The following ARHGAP29 variants were observed in gnomAD, a reference collection of about 807,000 sequenced individuals.
ARHGAP29 encodes the protein rho GTPase-activating protein 29.
In ARHGAP29, 43 loss-of-function variants were observed where a neutral mutation model predicts 122.6. That is an observed-to-expected ratio of 0.35 (90% CI 0.27 to 0.45). The LOEUF (loss-of-function observed/expected upper bound fraction) is 0.45. Ranked by LOEUF, ARHGAP29 falls within the 20% of genes least tolerant of loss-of-function variation. The pLI, the probability that ARHGAP29 is intolerant of heterozygous loss-of-function variation, is 1.00. For synonymous variants in ARHGAP29, 506 were observed against 497.1 expected (o/e 1.02, Z -0.24); for missense variants, 1,303 against 1,477.2 (o/e 0.88, Z 1.93).
the ARHGAP29 span, among the ~76,000 whole-genome samples, chr1:94,292,896 A>C: frequency 1.3e-5 from 2 of 152,184 alleles, no homozygotes; most frequent in Non-Finnish European, 2.9e-5. Context: ...GTGTCTCCCA[A>C]TCAGGCTACA....
chr1:94,212,155 T>G (rs1267234501), intron 3 of ARHGAP29, among the ~76,000 whole-genome samples: 1 of 152,140 alleles, frequency 6.6e-6, no homozygotes, highest in Non-Finnish European at 1.5e-5. Flanking sequence ...GACGCACTCC[T>G]GTAATCAATC....
chr1:94,241,251 C>T (rs1653560474), upstream of ARHGAP29, among the ~76,000 whole-genome samples: 1 of 152,042 alleles, frequency 6.6e-6, no homozygotes, highest in Non-Finnish European at 1.5e-5. Context: ...ATAGCATAAA[C>T]GTGATTTCTT....
At chr1:94,196,138 A>G (rs1349431314) in intron 12 of ARHGAP29, among the ~76,000 whole-genome samples, 2 of 152,110 alleles carry the variant, frequency 1.3e-5, no homozygotes, top group Non-Finnish European at 2.9e-5. Context: ...ACCAATTGAT[A>G]TTTATAAAAC....
chr1:94,296,684 T>C, the ARHGAP29 span, among the ~76,000 whole-genome samples: 1 of 152,112 alleles, frequency 6.6e-6, no homozygotes, highest in Non-Finnish European at 1.5e-5. Context: ...ACAGTTTATA[T>C]AGACTTTGGC....
At chr1:94,211,975 T>A (rs992420131) in intron 3 of ARHGAP29, among the ~76,000 whole-genome samples, 6 of 152,108 alleles carry the variant, frequency 3.9e-5, no homozygotes, top group African/African-American at 1.2e-4. Flanking sequence ...AACACACTTT[T>A]AAATAACCCA....
At chr1:94,294,351 GC>G in the ARHGAP29 span, among the ~76,000 whole-genome samples, 1 of 151,604 alleles carries the variant, frequency 6.6e-6, no homozygotes, top group South Asian at 2.1e-4. Flanking sequence ...TTGCTTTGTT[GC>G]CCAGGCTGGA....
chr1:94,179,560 C>G (rs958368216), intron 20 of ARHGAP29, among the ~76,000 whole-genome samples, 165 bp downstream of exon 20: 8 of 142,966 alleles, frequency 5.6e-5, no homozygotes, highest in African/African-American at 1.9e-4. Flanking sequence ...GCTGCTGCAC[C>G]CCAGCCTGGG....
At chr1:94,208,711 C>A in intron 5 of ARHGAP29, 121 bp downstream of exon 5, 1 of 866,416 alleles carries the variant, frequency 1.2e-6, no homozygotes, top group Non-Finnish European at 1.8e-6. Flanking sequence ...CCGCCCACCT[C>A]GGCCTCCCAA....
chr1:94,212,176 A>G lies in ARHGAP29; in HGVS notation c.341-2826T>C, dbSNP rs114557407. 9.8e-3 allele frequency among the ~76,000 whole-genome samples: 1,492 copies of G among 152,232 alleles called. 20 individuals are homozygous for G. Among genetic ancestry groups the G allele is most frequent in the African/African-American group, 0.034 (1,420 of 41,548 alleles). On this transcript the variant is annotated intron_variant, in intron 3 of 22. Transcript: ENST00000260526. ...CTCCTGTAATCAATCCCACCTACTC[A>G]GGAGGCTGAGGCAGGAGACTGCAGT...
chr1:94,305,517 T>C, the ARHGAP29 span, among the ~76,000 whole-genome samples: 1 of 152,172 alleles, frequency 6.6e-6, no homozygotes, highest in African/African-American at 2.4e-5. Flanking sequence ...AGATGAGCCA[T>C]AGATAACTAT....
At chr1:94,230,615 A>C (rs1360532703) in intron 2 of ARHGAP29, among the ~76,000 whole-genome samples, 1 of 151,826 alleles carries the variant, frequency 6.6e-6, no homozygotes, top group African/African-American at 2.4e-5. Flanking sequence ...AATCTTACAA[A>C]TTTCTATAAA....
At chr1:94,210,999 T>C (rs893599765) in intron 3 of ARHGAP29, among the ~76,000 whole-genome samples, 1 of 150,530 alleles carries the variant, frequency 6.6e-6, no homozygotes, top group African/African-American at 2.4e-5. Context: ...CAAAAGGACA[T>C]AACAGCCAGG....
At chr1:94,300,175 T>C in the ARHGAP29 span, among the ~76,000 whole-genome samples, 2 of 152,214 alleles carry the variant, frequency 1.3e-5, no homozygotes, top group Non-Finnish European at 2.9e-5. Flanking sequence ...TGAAGCCTCA[T>C]CATTTAGTAC....
At chr1:94,179,338 G>A (rs902486305) in intron 20 of ARHGAP29, among the ~76,000 whole-genome samples, 3 of 152,126 alleles carry the variant, frequency 2.0e-5, no homozygotes, top group Non-Finnish European at 2.9e-5. Context: ...GCTCACGCCT[G>A]TAATCCCAGC....
the ARHGAP29 span, among the ~76,000 whole-genome samples, chr1:94,311,715 T>A: frequency 3.3e-5 from 5 of 152,220 alleles, no homozygotes; most frequent in Non-Finnish European, 7.3e-5. Flanking sequence ...TCTCAAGCCC[T>A]CTTGCTTTTA....
rs368898729 is a variant in ARHGAP29 at position 94,272,738 on chromosome 1, C to T, written c.-33+2274G>A. Among the ~76,000 whole-genome samples the T allele has an allele frequency of 1.8e-4, 28 of 152,296 alleles. No homozygotes were observed. In the South Asian group the frequency reaches 3.3e-3, roughly 18 times the overall value. Reference sequence around the variant, plus strand: ...TCCCCTTCTCTCCTTCCACGGAGGTCAGACCTGCATCACAGTCTGAAGGCT... The same window carrying T: ...TCCCCTTCTCTCCTTCCACGGAGGTTAGACCTGCATCACAGTCTGAAGGCT... On this transcript the variant is annotated intron_variant and NMD_transcript_variant, in intron 1 of 25. Coordinates refer to the ARHGAP29 transcript ENST00000552844.
intron 1 of ARHGAP29, among the ~76,000 whole-genome samples, chr1:94,261,045 C>T (rs1654539913): frequency 6.6e-6 from 1 of 152,128 alleles, no homozygotes; most frequent in Admixed American, 6.5e-5. Flanking sequence ...GTTCTTGAAA[C>T]ATTAAAAAAC....
chr1:94,312,358 T>G, the ARHGAP29 span, among the ~76,000 whole-genome samples: 1 of 144,004 alleles, frequency 6.9e-6, no homozygotes, highest in Non-Finnish European at 1.5e-5. Flanking sequence ...TTTATTTGTT[T>G]TTTTTTTTTT....
intron 3 of ARHGAP29, among the ~76,000 whole-genome samples, chr1:94,216,243 T>TA: frequency 6.6e-6 from 1 of 152,218 alleles, no homozygotes; most frequent in Non-Finnish European, 1.5e-5. Context: ...CAAACATCTA[T>TA]TAGTAGTTAA....
Sources: gnomAD v4.1 joint callset for allele counts (sites outside exome capture counted in the v4.1 genomes callset) on GRCh38, gnomAD v4.1.1 for gene constraint, MANE v1.5 for transcripts, NCBI Gene and HGNC (gene_info 2026-07-23, HGNC 2026-07-21) for gene names.